RYR3: variants seen among roughly 807,000 people sequenced by gnomAD.
RYR3 encodes the protein brain ryanodine receptor-calcium release channel.
Under a neutral mutation model 584.3 loss-of-function variants are expected in RYR3, and 207 were observed. That is an observed-to-expected ratio of 0.35 (90% CI 0.32 to 0.40). The LOEUF (loss-of-function observed/expected upper bound fraction) is 0.40. Ranked by LOEUF, RYR3 falls within the 10% of genes least tolerant of loss-of-function variation. The pLI is 1.00. For synonymous variants in RYR3, 2,416 were observed against 2,248.5 expected (o/e 1.07, Z -2.11); for missense variants, 5,616 against 6,089.2 (o/e 0.92, Z 2.59).
chr15:33,612,038 A>G (rs2060221108), intron 18 of RYR3, among the ~76,000 whole-genome samples: 1 of 152,178 alleles, frequency 6.6e-6, no homozygotes, highest in Non-Finnish European at 1.5e-5. Flanking sequence ...ATATCTTTTT[A>G]TCTTTTGCTG....
intron 5 of RYR3, among the ~76,000 whole-genome samples, chr15:33,534,637 T>C (rs1265455792): frequency 6.6e-6 from 1 of 152,198 alleles, no homozygotes; most frequent in Non-Finnish European, 1.5e-5. Flanking sequence ...ACTAAGATAA[T>C]AATCTACAGA....
At position 33,634,711 on chromosome 15, in the gene RYR3, T is replaced by C. The variant is rs2061422049; in HGVS notation, c.3153T>C (p.Ile1051=). Residue 1051 remains isoleucine, a synonymous_variant, in exon 25 of 104, where the codon ATT becomes ATC. Transcript: ENST00000634891. ...VRTFVGYGYN[I]EPSDQELADS... ...CTTTTGTTGGTTACGGGTATAACAT[T>C]GAGCCATCAGACCAAGAACTAGGTA... The C allele has an allele frequency of 2.5e-6, 4 of 1,613,868 alleles. No homozygotes were observed. The highest frequency in any genetic ancestry group is 3.3e-5 in the Admixed American group (2 of 60,002).
chr15:33,383,276 T>C (rs1658876243), intron 1 of RYR3, among the ~76,000 whole-genome samples: 1 of 147,414 alleles, frequency 6.8e-6, no homozygotes, highest in Non-Finnish European at 1.5e-5. Context: ...GCCAGCTTTG[T>C]ATTGTTGTGG....
rs756517842 is a variant in RYR3 at position 33,865,485 on chromosome 15, A to G, written c.*259A>G. 7.3e-6 allele frequency: 3 copies of G among 411,880 alleles called. No homozygotes were observed. The highest frequency in any genetic ancestry group is 1.3e-5 in the Non-Finnish European group (3 of 229,572). 25.5% of individuals were successfully genotyped at this position (411,880 alleles called of 1,614,324 possible). A position where few individuals can be genotyped will look rare whatever the true frequency, so the allele number is the denominator to read the frequency against. On this transcript the variant is annotated 3_prime_UTR_variant, in exon 104 of 104. Transcript: ENST00000634891. ...AGTAATCTCTAGGCAAATGCCTTCA[A>G]GTTTTCCAGTTCTGAGGTAACTAGT...
chr15:33,682,219 C>A (rs4780154), intron 38 of RYR3, among the ~76,000 whole-genome samples: 23,934 of 152,026 alleles, frequency 0.16, 2,328 homozygotes, highest in Admixed American at 0.31. Context: ...ACAAGTGGAG[C>A]GCAATAAACA....
intron 1 of RYR3, among the ~76,000 whole-genome samples, chr15:33,403,615 C>G (rs1254047805): frequency 1.3e-5 from 2 of 150,224 alleles, no homozygotes; most frequent in Admixed American, 6.6e-5. Context: ...TAATTGACAA[C>G]TTTTCAGTAA....
intron 1 of RYR3, among the ~76,000 whole-genome samples, chr15:33,321,988 A>G (rs1969032909): frequency 6.6e-6 from 1 of 152,196 alleles, no homozygotes; most frequent in Non-Finnish European, 1.5e-5. Flanking sequence ...GCAAGGCTCT[A>G]TTTTATCACC....
intron 72 of RYR3, among the ~76,000 whole-genome samples, chr15:33,811,567 G>T (rs2076549041): frequency 6.6e-6 from 1 of 151,236 alleles, no homozygotes; most frequent in Non-Finnish European, 1.5e-5. Context: ...TTGTTTGTTT[G>T]TTTGTTTGTT....
intron 1 of RYR3, among the ~76,000 whole-genome samples, chr15:33,397,575 C>T (rs2042375796): frequency 6.6e-6 from 1 of 152,178 alleles, no homozygotes; most frequent in African/African-American, 2.4e-5. Context: ...GCTGGTGGAA[C>T]AGGGGCATCG....
At chr15:33,648,963 A>G in intron 30 of RYR3, 109 bp from the exon 31 acceptor site, 2 of 1,105,082 alleles carry the variant, frequency 1.8e-6, no homozygotes, top group Non-Finnish European at 2.6e-6. Context: ...TTCCAGAAAA[A>G]AAAGGGGGGG....
At chr15:33,681,616 C>G (rs1457770797) in intron 38 of RYR3, among the ~76,000 whole-genome samples, 1 of 152,164 alleles carries the variant, frequency 6.6e-6, no homozygotes, top group East Asian at 1.9e-4. Context: ...CCTGTTCATG[C>G]CTCCAGAGCA....
chr15:33,745,646 TCTGGCA>T (rs562381805), intron 52 of RYR3, among the ~76,000 whole-genome samples: 244 of 152,318 alleles, frequency 1.6e-3, no homozygotes, highest in Non-Finnish European at 3.0e-3. Flanking sequence ...ACACTTTTGC[TCTGGCA>T]CTGGCAGGCA....
At position 33,533,143 on chromosome 15, in the gene RYR3, G is replaced by C. The variant is rs2055025916; in HGVS notation, c.355-168G>C. ...AAAAATAATAATAATAATTAAAAAT[G>C]AAAGTATTGTATTAAGGCATTTACC... On this transcript the variant is annotated intron_variant, in intron 4 of 103. Coordinates refer to ENST00000634891, the MANE Select transcript of RYR3 (RefSeq NM_001036.6). 2.0e-5 allele frequency among the ~76,000 whole-genome samples: 3 copies of C among 152,122 alleles called. No homozygotes were observed. The South Asian group carries it at 6.2e-4, about 32-fold the overall frequency.
At chr15:33,662,056 C>T (rs993533575) in intron 34 of RYR3, 97 bp from the exon 35 acceptor site, 7 of 1,042,732 alleles carry the variant, frequency 6.7e-6, no homozygotes, top group Non-Finnish European at 9.6e-6. Context: ...CCCCTCCAAC[C>T]TTCCACCCAC....
At chr15:33,321,220 C>T (rs1048560155) in intron 1 of RYR3, among the ~76,000 whole-genome samples, 1 of 152,164 alleles carries the variant, frequency 6.6e-6, no homozygotes, top group East Asian at 1.9e-4. Context: ...AAATTAACCT[C>T]TCTGGGAATT....
In RYR3 at chr15:33,404,825, A is replaced by C. The variant is rs148188035; in HGVS notation, c.52-68594A>C. ...ATATATTCCTTTCATTTGTATACATAACTTTTATTTTAAAAATTTGTCTTT... is the reference window on the plus strand; with the variant it reads ...ATATATTCCTTTCATTTGTATACATCACTTTTATTTTAAAAATTTGTCTTT... On this transcript the variant is annotated intron_variant, in intron 1 of 103. Coordinates refer to ENST00000634891, the MANE Select transcript of RYR3 (RefSeq NM_001036.6). 3.3e-3 allele frequency among the ~76,000 whole-genome samples: 499 copies of C among 152,262 alleles called. 1 individual carries two copies. Among genetic ancestry groups the C allele is most frequent in the African/African-American group, 0.012 (480 of 41,536 alleles).
chr15:33,436,393 A>G (rs1020427570), intron 1 of RYR3, among the ~76,000 whole-genome samples: 1 of 151,818 alleles, frequency 6.6e-6, no homozygotes, highest in African/African-American at 2.4e-5. Context: ...AATAATTCAT[A>G]CTAGTTCTTT....
At chr15:33,584,267 G>A (rs183852828) in intron 14 of RYR3, 128 bp from the exon 15 acceptor site, 3 of 579,102 alleles carry the variant, frequency 5.2e-6, no homozygotes, top group Admixed American at 6.4e-5. Flanking sequence ...CAAAGGGCTA[G>A]ATAGGGTGAG....
chr15:33,616,112 C>T lies in RYR3; in HGVS notation c.2357+2737C>T, dbSNP rs539310002. On this transcript the variant is annotated intron_variant, in intron 19 of 103. Coordinates refer to ENST00000634891, the MANE Select transcript of RYR3 (RefSeq NM_001036.6). ...TTTACTTATTTTGCCCATGTCCACTCATGGTTTTTTACTCATTTTCAAAGG... is the reference window on the plus strand; with the variant it reads ...TTTACTTATTTTGCCCATGTCCACTTATGGTTTTTTACTCATTTTCAAAGG... 9.2e-5 allele frequency among the ~76,000 whole-genome samples: 14 copies of T among 152,284 alleles called. No individual in the cohort carries two copies. In the South Asian group the frequency reaches 2.9e-3, roughly 32 times the overall value.
Sources: gnomAD v4.1 joint callset for allele counts (sites outside exome capture counted in the v4.1 genomes callset) on GRCh38, gnomAD v4.1.1 for gene constraint, MANE v1.5 for transcripts, NCBI Gene and HGNC (gene_info 2026-07-23, HGNC 2026-07-21) for gene names.